BCL11B: variants seen among roughly 807,000 people sequenced by gnomAD.
BCL11B encodes BCL11 transcription factor B.
In BCL11B, 8 loss-of-function variants were observed where a neutral mutation model predicts 49.9. That is an observed-to-expected ratio of 0.16 (90% CI 0.09 to 0.29). The LOEUF is 0.29. BCL11B is among the 10% of genes least tolerant of loss of function. BCL11B has a pLI of 1.00. For missense variants in BCL11B, 1,006 were observed against 1,351.0 expected, an observed-to-expected ratio of 0.74 and a Z score of 4.00; for synonymous variants, 739 against 637.4, an observed-to-expected ratio of 1.16 and a Z score of -2.40.
intron 1 of BCL11B, among the ~76,000 whole-genome samples, chr14:99,260,584 C>G (rs189703095): frequency 6.6e-6 from 1 of 152,016 alleles, no homozygotes; most frequent in Non-Finnish European, 1.5e-5. Context: ...TTCGCAAGCA[C>G]CCCTCCTCCT....
rs922851744 is a variant in BCL11B at position 99,255,698 on chromosome 14, C to T, written c.427+1773G>A. Among the ~76,000 whole-genome samples the T allele has an allele frequency of 2.7e-4, 41 of 152,164 alleles. 1 individual carries two copies. The highest frequency in any genetic ancestry group is 2.4e-3 in the Admixed American group (37 of 15,280). ...AAGATCGATGTGCACTGAGGCCAGGCGTCGATACTACAGGTAAAACTGTCC... is the reference window on the plus strand; with the variant it reads ...AAGATCGATGTGCACTGAGGCCAGGTGTCGATACTACAGGTAAAACTGTCC... On this transcript the variant is annotated intron_variant, in intron 2 of 3. Transcript: ENST00000357195.
At chr14:99,210,520 C>T (rs543046233) in intron 3 of BCL11B, among the ~76,000 whole-genome samples, 4 of 152,180 alleles carry the variant, frequency 2.6e-5, no homozygotes, top group African/African-American at 4.8e-5. Context: ...TCTCCTCAGC[C>T]GGCCACCTCC....
At chr14:99,211,713 C>T (rs542300590) in intron 3 of BCL11B, among the ~76,000 whole-genome samples, 47 of 152,232 alleles carry the variant, frequency 3.1e-4, no homozygotes, top group African/African-American at 1.1e-3. Flanking sequence ...GAATGTGTGA[C>T]TCTGACCTGC....
chr14:99,215,033 T>C (rs1415668756), intron 3 of BCL11B, among the ~76,000 whole-genome samples: 1 of 152,064 alleles, frequency 6.6e-6, no homozygotes, highest in East Asian at 1.9e-4. Context: ...CCCTTCTGAG[T>C]GCTGCTGACC....
At position 99,171,729 on chromosome 14, in the gene BCL11B, G is replaced by T. The variant is rs1010236911; in HGVS notation, c.*2422C>A. ...ATACAAGTTTCTATACATTTTTTTT[G>T]AAATAAAAATTCAACACCCAAGGCA... On this transcript the variant is annotated 3_prime_UTR_variant, in exon 4 of 4. Coordinates refer to ENST00000357195, the MANE Select transcript of BCL11B (RefSeq NM_138576.4). 4 of 205,644 alleles carry T rather than the reference G, an allele frequency of 1.9e-5. No individual in the cohort carries two copies. Among genetic ancestry groups the T allele is most frequent in the African/African-American group, 2.3e-5 (1 of 42,890 alleles). The allele number at this position is 205,644 out of a possible 1,614,324, so 12.7% of individuals were successfully genotyped here.
intron 1 of BCL11B, among the ~76,000 whole-genome samples, chr14:99,270,445 A>G (rs1346418631): frequency 6.6e-6 from 1 of 150,634 alleles, no homozygotes; most frequent in Non-Finnish European, 1.5e-5. Flanking sequence ...GAAAGAAGAC[A>G]AGATCATCCC....
chr14:99,230,242 G>A (rs1468942988), intron 3 of BCL11B, among the ~76,000 whole-genome samples: 1 of 152,196 alleles, frequency 6.6e-6, no homozygotes, highest in African/African-American at 2.4e-5. Context: ...CTCCATCAGG[G>A]ACCGCCTGTG....
chr14:99,246,989 C>G (rs1343806000), intron 2 of BCL11B, among the ~76,000 whole-genome samples: 2 of 152,136 alleles, frequency 1.3e-5, no homozygotes, highest in East Asian at 3.9e-4. Context: ...GACAGTGACC[C>G]AGGCCCCAGA....
At chr14:99,240,719 A>G (rs1017001431) in intron 2 of BCL11B, among the ~76,000 whole-genome samples, 1 of 152,162 alleles carries the variant, frequency 6.6e-6, no homozygotes, top group African/African-American at 2.4e-5. Context: ...CTCCTAACAC[A>G]CTAGCGGTGA....
chr14:99,191,508 C>T (rs1887029500), intron 3 of BCL11B, among the ~76,000 whole-genome samples: 1 of 151,996 alleles, frequency 6.6e-6, no homozygotes, highest in Non-Finnish European at 1.5e-5. Flanking sequence ...GAGGAGGGGC[C>T]CACACCATCT....
intron 2 of BCL11B, among the ~76,000 whole-genome samples, chr14:99,238,087 T>A (rs550759823): frequency 2.7e-5 from 4 of 149,728 alleles, no homozygotes; most frequent in African/African-American, 9.7e-5. Flanking sequence ...GGTATCCACC[T>A]GCACCCACCG....
chr14:99,210,641 C>T (rs1171873638), intron 3 of BCL11B, among the ~76,000 whole-genome samples: 1 of 152,214 alleles, frequency 6.6e-6, no homozygotes, highest in Admixed American at 6.5e-5. Flanking sequence ...CACGCCAAGG[C>T]TTTTCCTGCT....
intron 3 of BCL11B, among the ~76,000 whole-genome samples, chr14:99,180,537 A>G (rs1035528115): frequency 1.3e-5 from 2 of 152,164 alleles, no homozygotes; most frequent in African/African-American, 4.8e-5. Flanking sequence ...GTGTTCCCAG[A>G]AGGAGGAATT....
chr14:99,201,866 C>T (rs1329446953), intron 3 of BCL11B, among the ~76,000 whole-genome samples: 1 of 152,312 alleles, frequency 6.6e-6, no homozygotes, highest in East Asian at 1.9e-4. Context: ...CCAGGGTGCC[C>T]CCAAGGAGCT....
At position 99,271,689 on chromosome 14, in the gene BCL11B, C is replaced by T. The variant is rs1271940187; in HGVS notation, c.-471G>A. Among the ~76,000 whole-genome samples, 1 of 151,522 alleles carries T rather than the reference C, an allele frequency of 6.6e-6. No homozygotes were observed. Among genetic ancestry groups the T allele is most frequent in the Non-Finnish European group, 1.5e-5 (1 of 67,958 alleles). Reference sequence around the variant, plus strand: ...TGCACCGGCTCCTGACACTTTCTTTCAGGGTCTGGTAGGTGGAAAGCGCAC... The same window carrying T: ...TGCACCGGCTCCTGACACTTTCTTTTAGGGTCTGGTAGGTGGAAAGCGCAC... On this transcript the variant is annotated 5_prime_UTR_variant, in exon 1 of 4. Transcript: ENST00000357195.
At chr14:99,265,164 C>G (rs1345333513) in intron 1 of BCL11B, among the ~76,000 whole-genome samples, 1 of 152,208 alleles carries the variant, frequency 6.6e-6, no homozygotes, top group Non-Finnish European at 1.5e-5. Context: ...ACATTCATTC[C>G]TAGTGTCTTC....
At chr14:99,234,846 G>A (rs1349223910) in intron 2 of BCL11B, among the ~76,000 whole-genome samples, 1 of 108,300 alleles carries the variant, frequency 9.2e-6, no homozygotes, top group Admixed American at 1.1e-4. Flanking sequence ...GGCTTTGGAG[G>A]TCTATGCACA....
intron 2 of BCL11B, among the ~76,000 whole-genome samples, chr14:99,237,251 T>A (rs75758072): frequency 2.1e-4 from 31 of 148,022 alleles, no homozygotes; most frequent in Non-Finnish European, 1.5e-5. Context: ...TTTTTTTTTT[T>A]AGCTTTTAAT....
At chr14:99,245,627 C>T (rs997616434) in intron 2 of BCL11B, among the ~76,000 whole-genome samples, 3 of 152,198 alleles carry the variant, frequency 2.0e-5, no homozygotes, top group African/African-American at 7.2e-5. Context: ...GAGGGATCCC[C>T]GTGCGCCCCC....
Sources: allele counts gnomAD v4.1 joint callset (sites outside exome capture counted in the v4.1 genomes callset), GRCh38; gene constraint gnomAD v4.1.1; transcripts MANE v1.5; gene names NCBI Gene and HGNC (gene_info 2026-07-23, HGNC 2026-07-21).